The following RALA variants were observed in gnomAD, a reference collection of about 807,000 sequenced individuals.
The protein encoded by RALA is ras-related protein Ral-A.
Under a neutral mutation model 24.0 loss-of-function variants are expected in RALA, and 5 were observed. The ratio of observed to expected loss-of-function variants is 0.21; its 90% CI spans 0.11 to 0.44. The LOEUF (loss-of-function observed/expected upper bound fraction) is 0.44. RALA is among the 20% of genes least tolerant of loss of function. The pLI is 0.99. For synonymous variants in RALA, 77 were observed against 83.8 expected (o/e 0.92, Z 0.44); for missense variants, 95 against 241.2 (o/e 0.39, Z 4.01).
chr7:39,686,854 AT>A (rs1792713143), intron 2 of RALA, 73 bp downstream of exon 2: 2 of 1,134,666 alleles, frequency 1.8e-6, no homozygotes, highest in African/African-American at 3.1e-5. Flanking sequence ...TTTTGGTGCT[AT>A]TTTGTATGGA....
intron 1 of RALA, among the ~76,000 whole-genome samples, chr7:39,632,543 C>A (rs141973817): frequency 2.0e-5 from 3 of 152,154 alleles, no homozygotes; most frequent in Non-Finnish European, 1.5e-5. Context: ...ATTGGCTGGG[C>A]GTGGTGGCTA....
At chr7:39,673,763 C>A (rs771319608) in intron 1 of RALA, among the ~76,000 whole-genome samples, 1 of 152,020 alleles carries the variant, frequency 6.6e-6, no homozygotes. Context: ...AAGAGTGATG[C>A]TAGCAGCCAC....
rs538540591 is a variant in RALA, at chr7:39,665,475, C to T, written c.-37-21156C>T. Among the ~76,000 whole-genome samples, 5 of 152,164 alleles carry T rather than the reference C, an allele frequency of 3.3e-5. No homozygotes were observed. The East Asian group carries it at 5.8e-4, about 18-fold the overall frequency. On this transcript the variant is annotated intron_variant, in intron 1 of 4. Coordinates refer to ENST00000005257, the MANE Select transcript of RALA (RefSeq NM_005402.4). ...TTGGGGGAGTCAAAAGTTGGATTTT[C>T]GACTGCACACAGTGGGGTTGGGGGA...
chr7:39,680,262 G>A (rs139435570), intron 1 of RALA, among the ~76,000 whole-genome samples: 5,233 of 151,896 alleles, frequency 0.034, 142 homozygotes, highest in Non-Finnish European at 0.052. Context: ...CCAGCTACTC[G>A]GGAGGCTGAG....
chr7:39,644,001 T>A (rs1459890989), intron 1 of RALA, among the ~76,000 whole-genome samples: 1 of 152,194 alleles, frequency 6.6e-6, no homozygotes, highest in African/African-American at 2.4e-5. Flanking sequence ...GGTTAATACA[T>A]ATAATGACTC....
chr7:39,662,800 T>G (rs1213731175), intron 1 of RALA, among the ~76,000 whole-genome samples: 1 of 152,210 alleles, frequency 6.6e-6, no homozygotes, highest in Non-Finnish European at 1.5e-5. Flanking sequence ...CAAAGTCGCT[T>G]CCACATTTTT....
rs1439347796 is a variant in RALA, at chr7:39,706,874, A to G, written c.*629A>G. On this transcript the variant is annotated 3_prime_UTR_variant, in exon 5 of 5. Coordinates refer to ENST00000005257, the MANE Select transcript of RALA (RefSeq NM_005402.4). The stretch of plus-strand genomic sequence containing the variant: ...TAGAAACTGAAAAATATCTGGTTAT[A>G]TCATTCTGGGTGTGTTCTTACTGAC... 1.3e-5 allele frequency: 2 copies of G among 152,742 alleles called. No individual in the cohort carries two copies. Among genetic ancestry groups the G allele is most frequent in the Non-Finnish European group, 2.9e-5 (2 of 68,156 alleles). The allele number at this position is 152,742 out of a possible 1,614,324, so 9.5% of individuals were successfully genotyped here. A position where few individuals can be genotyped will look rare whatever the true frequency, so the allele number is the denominator to read the frequency against.
At chr7:39,666,769 C>T (rs1792292647) in intron 1 of RALA, among the ~76,000 whole-genome samples, 2 of 152,136 alleles carry the variant, frequency 1.3e-5, no homozygotes, top group South Asian at 2.1e-4. Context: ...AGCAGGTGGT[C>T]TGTAAAAGAG....
chr7:39,658,522 A>C (rs763107552), intron 1 of RALA, among the ~76,000 whole-genome samples: 2 of 152,190 alleles, frequency 1.3e-5, no homozygotes, highest in Non-Finnish European at 2.9e-5. Flanking sequence ...CACTTTATAA[A>C]TATACACAGT....
chr7:39,628,791 G>A (rs1035477798), intron 1 of RALA, among the ~76,000 whole-genome samples: 5 of 152,176 alleles, frequency 3.3e-5, no homozygotes, highest in South Asian at 4.2e-4. Flanking sequence ...TCCTGACCTC[G>A]TGAGCCATGT....
At chr7:39,630,034 T>C in intron 1 of RALA, among the ~76,000 whole-genome samples, 1 of 151,958 alleles carries the variant, frequency 6.6e-6, no homozygotes, top group South Asian at 2.1e-4. Flanking sequence ...GAGCTTTCTT[T>C]TACTTTTTTT....
chr7:39,688,988 C>G (rs193048798), intron 2 of RALA, among the ~76,000 whole-genome samples: 4 of 152,016 alleles, frequency 2.6e-5, no homozygotes, highest in Non-Finnish European at 5.9e-5. Context: ...AGCGAGCACA[C>G]GCGAGCAAGG....
intron 1 of RALA, among the ~76,000 whole-genome samples, chr7:39,681,515 G>C (rs1468124457): frequency 1.3e-5 from 2 of 151,508 alleles, no homozygotes; most frequent in Non-Finnish European, 2.9e-5. Flanking sequence ...CTCTTCCCAA[G>C]ATTAACAACA....
intron 1 of RALA, among the ~76,000 whole-genome samples, chr7:39,651,794 AT>A (rs1354262287): frequency 6.6e-6 from 1 of 152,026 alleles, no homozygotes; most frequent in Non-Finnish European, 1.5e-5. Context: ...AGCAGCTTTT[AT>A]TTTCTGAACG....
chr7:39,662,756 C>T (rs1792215017), intron 1 of RALA, among the ~76,000 whole-genome samples: 1 of 152,188 alleles, frequency 6.6e-6, no homozygotes, highest in Admixed American at 6.5e-5. Flanking sequence ...TGGAGCCCTC[C>T]AGACTGTTCC....
chr7:39,683,583 G>T (rs1792643610), intron 1 of RALA, among the ~76,000 whole-genome samples: 1 of 152,156 alleles, frequency 6.6e-6, no homozygotes, highest in African/African-American at 2.4e-5. Context: ...CAGGGCTTGG[G>T]AATTAAGTGG....
In RALA at chr7:39,706,473, A is replaced by G. The variant is rs1177842476; in HGVS notation, c.*228A>G. 1.4e-5 allele frequency: 6 copies of G among 440,900 alleles called. No homozygotes were observed. The highest frequency in any genetic ancestry group is 1.3e-4 in the Admixed American group (3 of 23,492). The allele number at this position is 440,900 out of a possible 1,614,324, so 27.3% of individuals were successfully genotyped here. ...ACTTATTTCATAATTGCCTACATTTATCATGGTCCTGAATGTAGCGTGTAA... is the reference window on the plus strand; with the variant it reads ...ACTTATTTCATAATTGCCTACATTTGTCATGGTCCTGAATGTAGCGTGTAA... On this transcript the variant is annotated 3_prime_UTR_variant, in exon 5 of 5. Coordinates refer to ENST00000005257, the MANE Select transcript of RALA (RefSeq NM_005402.4).
At chr7:39,704,307 CTT>C (rs1264409408) in intron 4 of RALA, among the ~76,000 whole-genome samples, 6 of 151,798 alleles carry the variant, frequency 4.0e-5, no homozygotes, top group Non-Finnish European at 8.8e-5. Context: ...TCTAGTCAGT[CTT>C]ACTTGTTTGT....
chr7:39,658,215 A>C (rs996459903), intron 1 of RALA, among the ~76,000 whole-genome samples: 2 of 152,160 alleles, frequency 1.3e-5, no homozygotes, highest in Non-Finnish European at 2.9e-5. Context: ...TCCTAGACAT[A>C]ACAGTGGTTT....
Sources: gnomAD v4.1 joint callset for allele counts (sites outside exome capture counted in the v4.1 genomes callset) on GRCh38, gnomAD v4.1.1 for gene constraint, MANE v1.5 for transcripts, NCBI Gene and HGNC (gene_info 2026-07-23, HGNC 2026-07-21) for gene names.